The following SFTPD variants were observed in gnomAD, a reference collection of about 807,000 sequenced individuals.
SFTPD encodes the protein pulmonary surfactant-associated protein D.
In SFTPD, 18 loss-of-function variants were observed where a neutral mutation model predicts 34.6. The observed-to-expected ratio is 0.52, with a 90% confidence interval of 0.36 to 0.77. The LOEUF (loss-of-function observed/expected upper bound fraction) is 0.77, where lower values mean the gene tolerates loss of function less well. Ranked by LOEUF, SFTPD falls within the 30% of genes least tolerant of loss-of-function variation. SFTPD has a pLI of 0.00. For synonymous variants in SFTPD, 155 were observed against 180.9 expected, an observed-to-expected ratio of 0.86 and a Z score of 1.15; for missense variants, 433 against 468.9, an observed-to-expected ratio of 0.92 and a Z score of 0.71.
upstream of SFTPD, among the ~76,000 whole-genome samples, chr10:79,951,775 G>T (rs1842711547): frequency 6.6e-6 from 1 of 152,152 alleles, no homozygotes. Flanking sequence ...GTCTGTGGAT[G>T]GCCTGATTCC....
chr10:79,942,829 C>G lies in SFTPD; in HGVS notation c.250G>C (p.Val84Leu). Residue 84 changes from valine to leucine, a missense_variant, in exon 3 of 8, where the codon GTT becomes CTT. Transcript: ENST00000372292. ...GAGCCATTGTCCCCTTTGGGCCCAACTGGGCCAGCTTGTCCAGGCATCCCT... is the reference window on the plus strand; with the variant it reads ...GAGCCATTGTCCCCTTTGGGCCCAAGTGGGCCAGCTTGTCCAGGCATCCCT... ...QAGMPGQAGP[V>L]GPKGDNGSVG... 1 of 1,614,174 alleles carries G rather than the reference C, an allele frequency of 6.2e-7. No individual in the cohort carries two copies. The highest frequency in any genetic ancestry group is 8.5e-7 in the Non-Finnish European group (1 of 1,179,990).
chr10:79,969,109 TG>T (rs1471868904), intron 1 of SFTPD: 3 of 151,638 alleles, frequency 2.0e-5, no homozygotes, highest in Non-Finnish European at 4.4e-5. Context: ...GAGGCTGGGG[TG>T]GGCGGATCAC....
At chr10:79,946,313 C>T (rs1842663633) in intron 2 of SFTPD, 148 bp downstream of exon 2, 1 of 664,362 alleles carries the variant, frequency 1.5e-6, no homozygotes, top group East Asian at 2.7e-5. Flanking sequence ...ACTTGTTTGC[C>T]AGCTGGTGGA....
At chr10:79,961,037 C>A (rs1319730413) in intron 1 of SFTPD, among the ~76,000 whole-genome samples, 5 of 152,126 alleles carry the variant, frequency 3.3e-5, no homozygotes, top group Non-Finnish European at 5.9e-5. Flanking sequence ...CAAAAACAAG[C>A]AATGGGGAAA....
Position 79,938,898 on chromosome 10 carries a change from G to A in SFTPD, c.752-670C>T, listed in dbSNP as rs551050792. On this transcript the variant is annotated intron_variant, in intron 7 of 7. Transcript: ENST00000372292. ...TCAGCCTGCCTGGGAGGTGCTGAGG[G>A]AGTGGAGGAGAGCATCTGAAGGGCA... Among the ~76,000 whole-genome samples the A allele has an allele frequency of 2.0e-5, 3 of 152,332 alleles. No homozygotes were observed. The East Asian group carries it at 5.8e-4, about 29-fold the overall frequency.
upstream of SFTPD, among the ~76,000 whole-genome samples, chr10:79,951,314 G>A (rs181989655): frequency 4.8e-4 from 73 of 152,168 alleles, no homozygotes; most frequent in Non-Finnish European, 8.1e-4. Context: ...TAGAGAACCC[G>A]TTACTTCTTA....
intron 1 of SFTPD, among the ~76,000 whole-genome samples, chr10:79,963,192 A>T (rs946349360): frequency 2.0e-5 from 3 of 152,084 alleles, no homozygotes; most frequent in African/African-American, 4.8e-5. Flanking sequence ...AAAATTAAAA[A>T]ATTAGCTGGG....
At chr10:79,939,818 G>A (rs1842593977) in intron 7 of SFTPD, among the ~76,000 whole-genome samples, 1 of 152,226 alleles carries the variant, frequency 6.6e-6, no homozygotes, top group African/African-American at 2.4e-5. Flanking sequence ...GGCTCAATGA[G>A]ATGCGCCTGA....
chr10:79,939,404 A>G (rs1306897004), intron 7 of SFTPD, among the ~76,000 whole-genome samples: 2 of 152,234 alleles, frequency 1.3e-5, no homozygotes, highest in Non-Finnish European at 2.9e-5. Context: ...ATAAGAGTTC[A>G]TGTACCATTA....
At chr10:79,962,422 C>T (rs1289161519) in intron 1 of SFTPD, among the ~76,000 whole-genome samples, 2 of 152,024 alleles carry the variant, frequency 1.3e-5, no homozygotes, top group East Asian at 1.9e-4. Flanking sequence ...TAAATATACA[C>T]ACAAGTGAAT....
chr10:79,958,524 A>G (rs1361855825), intron 1 of SFTPD, among the ~76,000 whole-genome samples: 7 of 152,240 alleles, frequency 4.6e-5, no homozygotes, highest in Non-Finnish European at 1.0e-4. Flanking sequence ...CTTTAAACCA[A>G]CAAAGATCAA....
intron 4 of SFTPD, 123 bp from the exon 5 acceptor site, chr10:79,942,193 T>C (rs1017110836): frequency 1.3e-6 from 1 of 790,878 alleles, no homozygotes; most frequent in Non-Finnish European, 2.1e-6. Context: ...GAGACTCTCC[T>C]TGCTTTCTGG....
At chr10:79,956,263 G>C (rs1334002299) in intron 1 of SFTPD, among the ~76,000 whole-genome samples, 5 of 152,226 alleles carry the variant, frequency 3.3e-5, no homozygotes, top group Admixed American at 3.3e-4. Context: ...TTCCATCTGA[G>C]GTACCGGGTT....
chr10:79,966,890 A>T lies in SFTPD; in HGVS notation c.36+15685T>A, dbSNP rs187995533. On this transcript the variant is annotated intron_variant, in intron 1 of 5. Transcript: ENST00000444384. ...CTCAGGTTTGTCTTTGAAAACTGGCACAAGACAGGGATGCCCTCTCTCACT... is the reference window on the plus strand; with the variant it reads ...CTCAGGTTTGTCTTTGAAAACTGGCTCAAGACAGGGATGCCCTCTCTCACT... Among the ~76,000 whole-genome samples the T allele has an allele frequency of 6.8e-5, 10 of 148,038 alleles. 1 individual carries two copies. Among genetic ancestry groups the T allele is most frequent in the Non-Finnish European group, 1.0e-4 (7 of 67,736 alleles).
chr10:79,959,099 G>C (rs1724399946), intron 1 of SFTPD, among the ~76,000 whole-genome samples: 1 of 150,912 alleles, frequency 6.6e-6, no homozygotes, highest in Non-Finnish European at 1.5e-5. Flanking sequence ...AAACCAACGA[G>C]AACAAAGACA....
At chr10:79,964,875 C>T (rs1278489594) in intron 1 of SFTPD, among the ~76,000 whole-genome samples, 2 of 152,120 alleles carry the variant, frequency 1.3e-5, no homozygotes, top group East Asian at 1.9e-4. Flanking sequence ...AGAGGCCTTT[C>T]CCACAGGGTC....
chr10:79,951,563 T>C (rs375940584), upstream of SFTPD, among the ~76,000 whole-genome samples: 5 of 152,380 alleles, frequency 3.3e-5, no homozygotes, highest in African/African-American at 1.2e-4. Flanking sequence ...TGAGCAGGAA[T>C]ACTACCTTCT....
chr10:79,969,114 G>A (rs2758549), intron 1 of SFTPD: 71,936 of 151,850 alleles, frequency 0.47, 17,806 homozygotes, highest in African/African-American at 0.61. Context: ...TGGGGTGGGC[G>A]GATCACCTGA....
At chr10:79,955,741 G>T (rs1344102205) in intron 1 of SFTPD, among the ~76,000 whole-genome samples, 2 of 152,150 alleles carry the variant, frequency 1.3e-5, no homozygotes, top group African/African-American at 4.8e-5. Flanking sequence ...TACCTTTTTG[G>T]ATGAGAATTC....
Sources: allele counts gnomAD v4.1 joint callset (sites outside exome capture counted in the v4.1 genomes callset), GRCh38; gene constraint gnomAD v4.1.1; transcripts MANE v1.5; gene names NCBI Gene and HGNC (gene_info 2026-07-23, HGNC 2026-07-21).